The following ZNF862 variants were observed in gnomAD, a reference collection of about 807,000 sequenced individuals.
ZNF862 encodes zinc finger protein 862.
Under a neutral mutation model 91.1 loss-of-function variants are expected in ZNF862, and 64 were observed. The observed-to-expected ratio is 0.70, with a 90% confidence interval of 0.57 to 0.87. ZNF862 has a LOEUF of 0.87. Ranked by LOEUF, ZNF862 falls within the 40% of genes least tolerant of loss-of-function variation. The probability of loss-of-function intolerance (pLI) is 0.00; values close to 1 mark genes in which losing one functional copy is unlikely to be tolerated. For synonymous variants in ZNF862, 631 were observed against 618.1 expected (o/e 1.02, Z -0.31); for missense variants, 1,459 against 1,528.0 (o/e 0.95, Z 0.75).
intron 5 of ZNF862, among the ~76,000 whole-genome samples, chr7:149,853,176 A>G (rs1802126697): frequency 6.6e-6 from 1 of 152,060 alleles, no homozygotes; most frequent in Non-Finnish European, 1.5e-5. Flanking sequence ...TCCTGCCTCC[A>G]TCTCCGGAGT....
chr7:149,846,389 T>C, intron 3 of ZNF862, 134 bp downstream of exon 3: 1 of 661,144 alleles, frequency 1.5e-6, no homozygotes, highest in Middle Eastern at 4.2e-4. Context: ...CCAGGTGCCA[T>C]CTGATTAATA....
chr7:149,842,648 A>G (rs1801745651), intron 1 of ZNF862, among the ~76,000 whole-genome samples: 1 of 152,182 alleles, frequency 6.6e-6, no homozygotes, highest in Non-Finnish European at 1.5e-5. Context: ...CTTGGCCCTT[A>G]TGCTCACCTG....
At chr7:149,846,049 A>C in intron 2 of ZNF862, 102 bp from the exon 3 acceptor site, 1 of 789,816 alleles carries the variant, frequency 1.3e-6, no homozygotes, top group Non-Finnish European at 2.1e-6. Context: ...CACCATGCCG[A>C]GAGATGTCGC....
chr7:149,860,175 A>G (rs1802411408), intron 6 of ZNF862: 1 of 576,816 alleles, frequency 1.7e-6, no homozygotes, highest in Non-Finnish European at 3.0e-6. Context: ...CACAAGGATT[A>G]GCAACAACTC....
In ZNF862 at chr7:149,841,226, A is replaced by C. The variant is rs1021728704; in HGVS notation, c.24+2591A>C. The C allele has an allele frequency of 1.0e-5, 10 of 985,290 alleles. No homozygotes were observed. In the African/African-American group the frequency reaches 1.7e-4, roughly 17 times the overall value. 61.0% of individuals were successfully genotyped at this position (985,290 alleles called of 1,614,324 possible). ...AGCATTCTTATGGCTCAGAACTGGG[A>C]GACTACCTCGTGAGATAGTGGTTTG... On this transcript the variant is annotated intron_variant, in intron 1 of 7. Coordinates refer to ENST00000223210, the MANE Select transcript of ZNF862 (RefSeq NM_001099220.3).
intron 5 of ZNF862, among the ~76,000 whole-genome samples, chr7:149,853,675 C>G (rs1348768265): frequency 6.6e-6 from 1 of 152,172 alleles, no homozygotes; most frequent in African/African-American, 2.4e-5. Context: ...CGGTGGCTCA[C>G]GCCTGTAATC....
chr7:149,864,490 A>C lies in ZNF862; in HGVS notation c.*206A>C, dbSNP rs570460744. 3.5e-6 allele frequency: 2 copies of C among 564,480 alleles called. No homozygotes were observed. Among genetic ancestry groups the C allele is most frequent in the African/African-American group, 3.7e-5 (2 of 53,454 alleles). 35.0% of individuals were successfully genotyped at this position (564,480 alleles called of 1,614,324 possible). A position where few individuals can be genotyped will look rare whatever the true frequency, so the allele number is the denominator to read the frequency against. Reference sequence around the variant, plus strand: ...GCCCCACTCAGCACAGCCATGCCTCACAGCACACAAATGTGCCAGAAGGTT... The same window carrying C: ...GCCCCACTCAGCACAGCCATGCCTCCCAGCACACAAATGTGCCAGAAGGTT... On this transcript the variant is annotated 3_prime_UTR_variant, in exon 8 of 8. Coordinates refer to ENST00000223210, the MANE Select transcript of ZNF862 (RefSeq NM_001099220.3).
intron 5 of ZNF862, among the ~76,000 whole-genome samples, chr7:149,857,718 A>G (rs1485534089): frequency 6.6e-6 from 1 of 152,188 alleles, no homozygotes; most frequent in Non-Finnish European, 1.5e-5. Flanking sequence ...TAGGATGACC[A>G]GTTCTTCTTA....
At position 149,848,058 on chromosome 7, in the gene ZNF862, ACT is replaced by A. The variant is rs1179525378; in HGVS notation, c.569_570del (p.Leu190GlnfsTer62). The A allele has an allele frequency of 5.6e-6, 9 of 1,613,782 alleles. No homozygotes were observed. Among genetic ancestry groups the A allele is most frequent in the Non-Finnish European group, 7.6e-6 (9 of 1,179,884 alleles). Reference protein sequence around the residue: ...EGYTGPFKVETLKYHAKSKAH... With the variant: ...EGYTGPFKVEXLKYHAKSKAH... ...TTATACAGGACCATTCAAGGTGGAG[ACT>A]CTCAAATACCACGCGAAGAGCAAGG... On this transcript the variant is annotated frameshift_variant, in exon 4 of 8. Coordinates refer to ENST00000223210, the MANE Select transcript of ZNF862 (RefSeq NM_001099220.3). LOFTEE classifies it high-confidence loss of function.
rs553395985 is a variant in ZNF862 at position 149,862,252 on chromosome 7, G to A, written c.3092G>A (p.Cys1031Tyr). 6.2e-7 allele frequency: 1 copy of A among 1,613,808 alleles called. No individual in the cohort carries two copies. Among genetic ancestry groups the A allele is most frequent in the South Asian group, 1.1e-5 (1 of 91,076 alleles). ...AGCAAGCTCATGGCCGTGGTGGTCT[G>A]TGTGCCCATCTCCACCTCTTGCTGT... ...LLSKLMAVVV[C>Y]VPISTSCCER... The change falls in exon 7 of 8, where the codon TGT (cysteine) becomes TAT (tyrosine). Residue 1031 changes from cysteine (C) to tyrosine (Y), a missense_variant. By Grantham distance (194) the Cys-to-Tyr change is radical. Coordinates refer to ENST00000223210, the MANE Select transcript of ZNF862 (RefSeq NM_001099220.3).
intron 6 of ZNF862, chr7:149,859,820 G>C: frequency 2.7e-6 from 1 of 368,730 alleles, no homozygotes; most frequent in East Asian, 4.8e-5. Context: ...AGGAGCCAGG[G>C]GACCCAGAGA....
At position 149,861,297 on chromosome 7, in the gene ZNF862, C is replaced by T. The variant is rs1424310630; in HGVS notation, c.2137C>T (p.Gln713Ter). The T allele has an allele frequency of 1.2e-6, 2 of 1,612,676 alleles. No homozygotes were observed. Among genetic ancestry groups the T allele is most frequent in the South Asian group, 1.1e-5 (1 of 91,060 alleles). Residue 713 changes from glutamine to a stop codon, truncating the protein, a stop_gained, in exon 7 of 8, where the codon CAG (glutamine) becomes TAG (stop). Transcript: ENST00000223210. LOFTEE classifies it high-confidence loss of function. This position sits in a 1 kb window ranked among gnomAD's most constrained non-coding sequence, Gnocchi z 6.7. Reference sequence around the variant, plus strand: ...CAGAGGAGGCCTTGTGGAAAAGTTCCAGGAGGTCATCCCGCAGCTGCTGCC... The same window carrying T: ...CAGAGGAGGCCTTGTGGAAAAGTTCTAGGAGGTCATCCCGCAGCTGCTGCC... ...SCRGGLVEKF[Q>*]EVIPQLLPVH...
chr7:149,838,678 A>G, intron 1 of ZNF862, 43 bp downstream of exon 1: 1 of 1,193,230 alleles, frequency 8.4e-7, no homozygotes, highest in African/African-American at 1.6e-5. Context: ...CCTCCCGAGG[A>G]TCCCCGAGCC....
Position 149,844,535 on chromosome 7 carries a change from G to A in ZNF862, c.25-90G>A, listed in dbSNP as rs59453968. The A allele has an allele frequency of 8.8e-3, 7,346 of 838,520 alleles. 326 individuals carry two copies. In the African/African-American group the frequency reaches 0.1, roughly 12 times the overall value. 51.9% of individuals were successfully genotyped at this position (838,520 alleles called of 1,614,324 possible). ...ATGTAAATTGACAACACCCCTCCCC[G>A]TGTAGGGTGCCCTCAGGTGGTCAGG... is the stretch of plus-strand genomic sequence containing the variant. On this transcript the variant is annotated intron_variant, in intron 1 of 7. Transcript: ENST00000223210.
chr7:149,860,305 A>C, intron 6 of ZNF862, 78 bp from the exon 7 acceptor site: 1 of 1,324,042 alleles, frequency 7.6e-7, no homozygotes, highest in Non-Finnish European at 1.0e-6. Context: ...TACTTATTAA[A>C]TTTGGGGGTG....
chr7:149,858,374 A>G (rs931981893), intron 5 of ZNF862: 3 of 152,218 alleles, frequency 2.0e-5, no homozygotes, highest in Admixed American at 6.5e-5. Flanking sequence ...AGAAGGATAT[A>G]TGTTCAATTT....
intron 5 of ZNF862, chr7:149,852,495 A>C (rs1315816196): frequency 1.3e-5 from 2 of 152,394 alleles, no homozygotes; most frequent in Admixed American, 6.5e-5. Flanking sequence ...TAGCCTCCCA[A>C]GTAGCTGGGA....
At chr7:149,859,399 A>G in intron 5 of ZNF862, 23 bp from the exon 6 acceptor site, 2 of 1,552,584 alleles carry the variant, frequency 1.3e-6, no homozygotes, top group Non-Finnish European at 8.7e-7. Context: ...TGACATCAGC[A>G]TGATTCTTCA....
rs1430684608 is a variant in ZNF862 at position 149,858,420 on chromosome 7, TTAG to T, written c.1118-996_1118-994del. 9 of 152,330 alleles carry T rather than the reference TTAG, an allele frequency of 5.9e-5. No individual in the cohort carries two copies. The East Asian group carries it at 1.5e-3, about 26-fold the overall frequency. 9.4% of individuals were successfully genotyped at this position (152,330 alleles called of 1,614,324 possible). On this transcript the variant is annotated intron_variant, in intron 5 of 7. Coordinates refer to ENST00000223210, the MANE Select transcript of ZNF862 (RefSeq NM_001099220.3). Reference sequence around the variant, plus strand: ...AGTAATTTACTTATTTATATTTTTATTAGTAGTAAATATGTAGATATTGACACA... The same window carrying T: ...AGTAATTTACTTATTTATATTTTTATTAGTAAATATGTAGATATTGACACA...
Sources: allele counts gnomAD v4.1 joint callset (sites outside exome capture counted in the v4.1 genomes callset), GRCh38; gene constraint gnomAD v4.1.1; non-coding constraint Gnocchi (gnomAD v3.1); transcripts MANE v1.5; gene names NCBI Gene and HGNC (gene_info 2026-07-23, HGNC 2026-07-21).